The following GPC6 variants were observed in gnomAD, a reference collection of about 807,000 sequenced individuals.
GPC6 encodes the protein glypican 6.
In GPC6, 14 loss-of-function variants were observed where a neutral mutation model predicts 55.2. That is an observed-to-expected ratio of 0.25 (90% confidence interval 0.17 to 0.40). The LOEUF (loss-of-function observed/expected upper bound fraction) is 0.40, where lower values mean the gene tolerates loss of function less well. GPC6 is among the 10% of genes least tolerant of loss of function. The pLI is 1.00. For missense variants in GPC6, 641 were observed against 708.5 expected (o/e 0.90, Z 1.08); for synonymous variants, 278 against 259.6 (o/e 1.07, Z -0.68).
chr13:93,543,574 G>T (rs1385368168), intron 1 of GPC6, among the ~76,000 whole-genome samples: 5 of 151,982 alleles, frequency 3.3e-5, no homozygotes, highest in African/African-American at 1.2e-4. Flanking sequence ...TTTTTCTATT[G>T]ATTGGAATAG....
intron 4 of GPC6, among the ~76,000 whole-genome samples, chr13:94,091,908 T>TGTG (rs1885495090): frequency 2.0e-5 from 3 of 148,508 alleles, no homozygotes; most frequent in East Asian, 4.0e-4. Flanking sequence ...GTGTGTGTGT[T>TGTG]TGTGTGTGTG....
chr13:93,411,997 T>C (rs1364293523), intron 1 of GPC6, among the ~76,000 whole-genome samples: 1 of 141,574 alleles, frequency 7.1e-6, no homozygotes, highest in Non-Finnish European at 1.5e-5. Context: ...AGAGGGACTA[T>C]GTCTCAAAAA....
intron 2 of GPC6, among the ~76,000 whole-genome samples, chr13:93,800,720 T>C (rs1886342127): frequency 6.6e-6 from 1 of 151,854 alleles, no homozygotes; most frequent in Admixed American, 6.6e-5. Flanking sequence ...GTAAGCAATG[T>C]GCATAAAATG....
intron 4 of GPC6, among the ~76,000 whole-genome samples, chr13:94,111,969 A>T (rs1158875194): frequency 2.0e-5 from 3 of 152,156 alleles, no homozygotes; most frequent in Non-Finnish European, 4.4e-5. Context: ...CTGAATTAAC[A>T]TAACCATGAT....
At chr13:93,488,910 T>C (rs934971890) in intron 1 of GPC6, among the ~76,000 whole-genome samples, 1 of 152,088 alleles carries the variant, frequency 6.6e-6, no homozygotes, top group Non-Finnish European at 1.5e-5. Flanking sequence ...TTTTCTCCCA[T>C]TCTATAGGTT....
chr13:94,339,247 A>G (rs1280150510), intron 6 of GPC6, among the ~76,000 whole-genome samples: 2 of 152,084 alleles, frequency 1.3e-5, no homozygotes, highest in African/African-American at 4.8e-5. Context: ...ATATTTTTAT[A>G]GAGACAAGAG....
intron 3 of GPC6, among the ~76,000 whole-genome samples, chr13:93,880,727 T>TA (rs972072192): frequency 2.6e-5 from 4 of 151,544 alleles, no homozygotes; most frequent in African/African-American, 7.3e-5. Context: ...TAAAATAAAA[T>TA]AAAAAATCAT....
At chr13:93,809,211 T>C (rs1337690997) in intron 2 of GPC6, among the ~76,000 whole-genome samples, 1 of 152,186 alleles carries the variant, frequency 6.6e-6, no homozygotes, top group Non-Finnish European at 1.5e-5. Context: ...CCAAGTCAGA[T>C]GGCTACCTTC....
chr13:93,249,156 C>T (rs1313387423), intron 1 of GPC6, among the ~76,000 whole-genome samples: 3 of 152,142 alleles, frequency 2.0e-5, no homozygotes, highest in Admixed American at 6.6e-5. Flanking sequence ...CCTTACTGAG[C>T]TGTCTGTCCT....
intron 1 of GPC6, among the ~76,000 whole-genome samples, chr13:93,246,965 A>T (rs1247125377): frequency 1.3e-5 from 2 of 151,140 alleles, no homozygotes; most frequent in African/African-American, 4.8e-5. Flanking sequence ...AAAAACTGTG[A>T]CATTTAAAAT....
intron 1 of GPC6, among the ~76,000 whole-genome samples, chr13:93,511,518 A>G (rs1340602950): frequency 6.6e-6 from 1 of 151,654 alleles, no homozygotes; most frequent in Non-Finnish European, 1.5e-5. Context: ...GTTCTCTATT[A>G]TGTTTCATTG....
chr13:93,471,692 G>GT (rs111674623), intron 1 of GPC6, among the ~76,000 whole-genome samples: 5 of 151,814 alleles, frequency 3.3e-5, no homozygotes, highest in East Asian at 1.9e-4. Context: ...GGAATTTTAT[G>GT]TTTTTTTTAT....
chr13:94,142,722 A>C (rs1337829208), intron 4 of GPC6, among the ~76,000 whole-genome samples: 1 of 152,048 alleles, frequency 6.6e-6, no homozygotes, highest in Non-Finnish European at 1.5e-5. Context: ...ATATACATAG[A>C]TAGATATAAA....
chr13:93,744,607 C>A (rs1368156846), intron 2 of GPC6, among the ~76,000 whole-genome samples: 2 of 135,206 alleles, frequency 1.5e-5, no homozygotes, highest in African/African-American at 5.6e-5. Context: ...GGTGTTGTCA[C>A]CTCATCTGAC....
chr13:94,359,008 T>C (rs1289912388), intron 6 of GPC6, among the ~76,000 whole-genome samples: 3 of 152,248 alleles, frequency 2.0e-5, no homozygotes, highest in Non-Finnish European at 4.4e-5. Context: ...TTCTAGCTCC[T>C]CTGAAGTTTG....
chr13:93,323,502 G>A (rs957023840), intron 1 of GPC6, among the ~76,000 whole-genome samples: 1 of 152,024 alleles, frequency 6.6e-6, no homozygotes, highest in East Asian at 1.9e-4. Context: ...ATTAGGTTAT[G>A]CCTCAGTTGC....
chr13:94,140,033 C>CT (rs989244516), intron 4 of GPC6, among the ~76,000 whole-genome samples: 27 of 142,468 alleles, frequency 1.9e-4, no homozygotes, highest in South Asian at 2.3e-4. Context: ...AATTGTTTTT[C>CT]TTTTTTTTTT....
intron 4 of GPC6, among the ~76,000 whole-genome samples, chr13:94,177,383 G>A (rs1300629735): frequency 6.6e-6 from 1 of 150,948 alleles, no homozygotes; most frequent in Non-Finnish European, 1.5e-5. Flanking sequence ...CAGCAAATAT[G>A]ACTTTTAAAA....
At chr13:93,695,340 G>A (rs1882414695) in intron 2 of GPC6, among the ~76,000 whole-genome samples, 1 of 151,866 alleles carries the variant, frequency 6.6e-6, no homozygotes, top group Admixed American at 6.6e-5. Flanking sequence ...ATTCCAACAT[G>A]TTATTTTTTA....
Sources: allele counts gnomAD v4.1 joint callset (sites outside exome capture counted in the v4.1 genomes callset), GRCh38; gene constraint gnomAD v4.1.1; transcripts MANE v1.5; gene names NCBI Gene and HGNC (gene_info 2026-07-23, HGNC 2026-07-21).